Variants in GMDS observed in about 807,000 individuals in gnomAD.
GMDS encodes GDP-mannose 4,6 dehydratase.
Under a neutral mutation model 49.9 loss-of-function variants are expected in GMDS, and 20 were observed. The ratio of observed to expected loss-of-function variants is 0.40; its 90% CI spans 0.28 to 0.58. The LOEUF (loss-of-function observed/expected upper bound fraction) is 0.58. Among genes scored for constraint, GMDS ranks in the 20% least tolerant of loss-of-function variants. The pLI, the probability that GMDS is intolerant of heterozygous loss-of-function variation, is 0.42. For synonymous variants in GMDS, 177 were observed against 178.6 expected, an observed-to-expected ratio of 0.99 and a Z score of 0.07; for missense variants, 362 against 481.4, an observed-to-expected ratio of 0.75 and a Z score of 2.32.
intron 1 of GMDS, among the ~76,000 whole-genome samples, chr6:2,192,725 C>T (rs1779096738): frequency 6.6e-6 from 1 of 152,236 alleles, no homozygotes; most frequent in Admixed American, 6.5e-5. Flanking sequence ...CAGCAGCCAG[C>T]ATGTCTGACT....
intron 4 of GMDS, among the ~76,000 whole-genome samples, chr6:1,991,645 C>G (rs1223660855): frequency 6.6e-6 from 1 of 152,148 alleles, no homozygotes; most frequent in African/African-American, 2.4e-5. Context: ...TATGGTTGTT[C>G]TTTCTCTGTT....
intron 7 of GMDS, among the ~76,000 whole-genome samples, chr6:1,751,453 C>T (rs1395874511): frequency 6.6e-6 from 1 of 152,230 alleles, no homozygotes; most frequent in Admixed American, 6.5e-5. Flanking sequence ...GGACCTCCAG[C>T]AAACTCCAGC....
At chr6:2,200,660 C>T (rs1033154296) in intron 1 of GMDS, among the ~76,000 whole-genome samples, 2 of 147,142 alleles carry the variant, frequency 1.4e-5, no homozygotes, top group African/African-American at 2.5e-5. Context: ...CATGCACATC[C>T]GAGATGAAAC....
chr6:1,640,259 TTCC>T lies in GMDS; in HGVS notation c.988-15722_988-15720del, dbSNP rs951246597. Among the ~76,000 whole-genome samples the T allele has an allele frequency of 3.9e-5, 6 of 152,198 alleles. No individual in the cohort carries two copies. Among genetic ancestry groups the T allele is most frequent in the African/African-American group, 1.4e-4 (6 of 41,458 alleles). On this transcript the variant is annotated intron_variant, in intron 9 of 10. Coordinates refer to ENST00000380815, the MANE Select transcript of GMDS (RefSeq NM_001500.4). This position sits in a 1 kb window ranked among gnomAD's most constrained non-coding sequence, Gnocchi z 4.0. Reference sequence around the variant, plus strand: ...TGGTTCCCGACAGCCTGGAATATGCTTCCTCTTCTTCACTGAAACTGTGCCCGT... The same window carrying T: ...TGGTTCCCGACAGCCTGGAATATGCTTCTTCTTCACTGAAACTGTGCCCGT...
intron 4 of GMDS, among the ~76,000 whole-genome samples, chr6:2,098,850 A>T (rs1773761590): frequency 1.3e-5 from 2 of 152,178 alleles, no homozygotes; most frequent in Non-Finnish European, 2.9e-5. Flanking sequence ...CCAAGGTTTA[A>T]ATACAATGAC....
chr6:2,126,765 C>G (rs1398807654), intron 1 of GMDS, among the ~76,000 whole-genome samples: 1 of 152,148 alleles, frequency 6.6e-6, no homozygotes, highest in African/African-American at 2.4e-5. Context: ...TCCCAAATAG[C>G]TGGGATTACA....
intron 4 of GMDS, among the ~76,000 whole-genome samples, chr6:2,038,056 GT>G (rs1268150692): frequency 6.6e-6 from 1 of 152,122 alleles, no homozygotes; most frequent in African/African-American, 2.4e-5. Context: ...AATAAAGAGG[GT>G]TGGGGGGGAG....
intron 7 of GMDS, among the ~76,000 whole-genome samples, chr6:1,899,147 G>C (rs765620048): frequency 6.6e-6 from 1 of 152,136 alleles, no homozygotes; most frequent in South Asian, 2.1e-4. Context: ...CATCCTGCCC[G>C]TCTGTCTGGG....
chr6:1,771,596 C>T (rs1049176879), intron 7 of GMDS, among the ~76,000 whole-genome samples: 4 of 152,348 alleles, frequency 2.6e-5, no homozygotes, highest in South Asian at 2.1e-4. Context: ...TACAGCTACA[C>T]AGCACTGTCT....
At chr6:1,992,404 T>C (rs1179128066) in intron 4 of GMDS, among the ~76,000 whole-genome samples, 1 of 152,180 alleles carries the variant, frequency 6.6e-6, no homozygotes, top group African/African-American at 2.4e-5. Flanking sequence ...CCTCAGGTCT[T>C]CTCTGCTCCA....
intron 1 of GMDS, among the ~76,000 whole-genome samples, chr6:2,183,098 T>A (rs1214103246): frequency 2.6e-5 from 4 of 152,186 alleles, no homozygotes; most frequent in Non-Finnish European, 5.9e-5. Flanking sequence ...GTTAATATGT[T>A]GTTTTCATGC....
At chr6:1,866,862 C>G (rs570246723) in intron 7 of GMDS, among the ~76,000 whole-genome samples, 1 of 152,326 alleles carries the variant, frequency 6.6e-6, no homozygotes, top group East Asian at 1.9e-4. Context: ...TATGCTTGCT[C>G]AAGTCCTGCT....
chr6:1,916,390 AAG>A (rs1221232705), intron 7 of GMDS, among the ~76,000 whole-genome samples: 2 of 152,062 alleles, frequency 1.3e-5, no homozygotes, highest in Admixed American at 1.3e-4. Flanking sequence ...TCTCCAAAGT[AAG>A]AGTTTTCATA....
At chr6:1,951,480 T>C (rs939132941) in intron 6 of GMDS, among the ~76,000 whole-genome samples, 1 of 152,226 alleles carries the variant, frequency 6.6e-6, no homozygotes, top group African/African-American at 2.4e-5. Flanking sequence ...ACACCATCCA[T>C]TTGTGGCAAT....
intron 7 of GMDS, among the ~76,000 whole-genome samples, chr6:1,746,862 C>T (rs934978453): frequency 3.3e-5 from 5 of 151,944 alleles, no homozygotes; most frequent in African/African-American, 4.8e-5. Context: ...CCACCATACC[C>T]GGCTAATTTT....
intron 7 of GMDS, among the ~76,000 whole-genome samples, chr6:1,821,411 GAGC>G (rs1770888229): frequency 6.6e-6 from 1 of 152,000 alleles, no homozygotes; most frequent in African/African-American, 2.4e-5. Context: ...GGGCTTTAGG[GAGC>G]AAACTCTGCC....
At chr6:1,746,945 C>T (rs943822951) in intron 7 of GMDS, among the ~76,000 whole-genome samples, 2 of 152,106 alleles carry the variant, frequency 1.3e-5, no homozygotes, top group East Asian at 1.9e-4. Context: ...TGTGATCTGC[C>T]GGCCTCAGCC....
rs977205544 is a variant in GMDS at position 1,635,242 on chromosome 6, G to A, written c.988-10702C>T. 1.3e-5 allele frequency among the ~76,000 whole-genome samples: 2 copies of A among 152,144 alleles called. No individual in the cohort carries two copies. Among genetic ancestry groups the A allele is most frequent in the African/African-American group, 4.8e-5 (2 of 41,412 alleles). On this transcript the variant is annotated intron_variant, in intron 9 of 10. Transcript: ENST00000380815. This position sits in a 1 kb window ranked among gnomAD's most constrained non-coding sequence, Gnocchi z 4.7. The stretch of plus-strand genomic sequence containing the variant: ...TGCTGAGCAAGTCTGCTTAGCTCTG[G>A]GAAAGGGGCTCCGTTTCACATGTCC...
chr6:1,700,817 G>A (rs1765517014), intron 9 of GMDS, among the ~76,000 whole-genome samples: 1 of 152,130 alleles, frequency 6.6e-6, no homozygotes, highest in African/African-American at 2.4e-5. Flanking sequence ...CCAAGAACAG[G>A]AATGCCTGAC....
Sources: allele counts gnomAD v4.1 joint callset (sites outside exome capture counted in the v4.1 genomes callset), GRCh38; gene constraint gnomAD v4.1.1; non-coding constraint Gnocchi (gnomAD v3.1); transcripts MANE v1.5; gene names NCBI Gene and HGNC (gene_info 2026-07-23, HGNC 2026-07-21).